Variants in MAD1L1 observed in about 807,000 individuals in gnomAD.
The protein encoded by MAD1L1 is mitotic arrest deficient 1 like 1.
In MAD1L1, 95 loss-of-function variants were observed where a neutral mutation model predicts 96.9. The ratio of observed to expected loss-of-function variants is 0.98; its 90% CI spans 0.83 to 1.16. The LOEUF is 1.16. Ranked by LOEUF, MAD1L1 falls within the 50% of genes most tolerant of loss-of-function variation. MAD1L1 has a pLI of 0.00. For synonymous variants in MAD1L1, 473 were observed against 396.6 expected, an observed-to-expected ratio of 1.19 and a Z score of -2.29; for missense variants, 1,007 against 954.4, an observed-to-expected ratio of 1.06 and a Z score of -0.73.
chr7:2,152,152 A>G (rs1056516481), intron 10 of MAD1L1, among the ~76,000 whole-genome samples: 3 of 152,224 alleles, frequency 2.0e-5, no homozygotes, highest in Non-Finnish European at 4.4e-5. Context: ...GGTCCCACAC[A>G]GACCCCAGCC....
intron 12 of MAD1L1, among the ~76,000 whole-genome samples, chr7:2,049,830 C>T (rs1186663535): frequency 1.3e-5 from 2 of 151,040 alleles, no homozygotes; most frequent in Non-Finnish European, 3.0e-5. Context: ...GCACCATCTG[C>T]GGGCACCAGA....
chr7:1,965,192 AC>A (rs1293295222), intron 15 of MAD1L1, among the ~76,000 whole-genome samples: 6 of 151,842 alleles, frequency 4.0e-5, no homozygotes, highest in Admixed American at 2.0e-4. Flanking sequence ...GGTACGTAGG[AC>A]CCCCAGCCCT....
intron 16 of MAD1L1, among the ~76,000 whole-genome samples, chr7:1,945,766 C>G (rs1286636874): frequency 6.6e-6 from 1 of 152,180 alleles, no homozygotes; most frequent in African/African-American, 2.4e-5. Context: ...GGCCGCAGAC[C>G]GGGGTTAGGG....
At chr7:1,987,410 G>C (rs890906125) in intron 14 of MAD1L1, among the ~76,000 whole-genome samples, 2 of 152,226 alleles carry the variant, frequency 1.3e-5, no homozygotes, top group Non-Finnish European at 2.9e-5. Context: ...GTGCGGCCGA[G>C]CTCGGAACGG....
chr7:2,156,167 G>A (rs1178005062), intron 10 of MAD1L1, among the ~76,000 whole-genome samples: 3 of 145,966 alleles, frequency 2.1e-5, no homozygotes, highest in Non-Finnish European at 3.0e-5. Context: ...GGGAGCGGGC[G>A]CACGGTTTCA....
At chr7:2,113,761 G>A (rs573896116) in intron 11 of MAD1L1, among the ~76,000 whole-genome samples, 8 of 152,246 alleles carry the variant, frequency 5.3e-5, no homozygotes, top group Admixed American at 2.6e-4. Context: ...CACACCCAGA[G>A]GGACATGACA....
intron 18 of MAD1L1, chr7:1,844,069 C>T (rs2128634671): frequency 6.5e-6 from 1 of 154,618 alleles, no homozygotes; most frequent in Middle Eastern, 5.2e-4. Context: ...GTTTCACTAC[C>T]ACCAGAAGGC....
At chr7:2,171,086 G>C (rs1260693158) in intron 10 of MAD1L1, among the ~76,000 whole-genome samples, 1 of 152,240 alleles carries the variant, frequency 6.6e-6, no homozygotes, top group Non-Finnish European at 1.5e-5. Flanking sequence ...TTTCCTTGCT[G>C]CTACGCCACT....
chr7:2,165,057 G>A (rs1208994052), intron 10 of MAD1L1, among the ~76,000 whole-genome samples: 1 of 152,112 alleles, frequency 6.6e-6, no homozygotes, highest in Non-Finnish European at 1.5e-5. Context: ...ATACAAATAC[G>A]GCTGGGCGCA....
At chr7:2,080,557 G>T (rs1330010517) in intron 11 of MAD1L1, among the ~76,000 whole-genome samples, 1 of 14,882 alleles carries the variant, frequency 6.7e-5, no homozygotes, top group Non-Finnish European at 1.2e-4. Context: ...CCTCCCCCAC[G>T]ATCACAGGCC....
In MAD1L1 at chr7:2,116,298, C is replaced by T. The variant is rs1439294084; in HGVS notation, c.1073+32854G>A. Among the ~76,000 whole-genome samples, 3 of 152,184 alleles carry T rather than the reference C, an allele frequency of 2.0e-5. No individual in the cohort carries two copies. The East Asian group carries it at 5.8e-4, about 29-fold the overall frequency. ...GTGTGCCAAGTGCCGGGAGGACGAA[C>T]AAGACTCAGGCCTGACTCATCTCAT... On this transcript the variant is annotated intron_variant, in intron 11 of 18. Transcript: ENST00000265854.
At chr7:1,917,803 A>G (rs1788506797) in intron 17 of MAD1L1, among the ~76,000 whole-genome samples, 1 of 152,168 alleles carries the variant, frequency 6.6e-6, no homozygotes, top group African/African-American at 2.4e-5. Flanking sequence ...CTTCTGCCAG[A>G]CACAGCAGGA....
chr7:2,080,024 T>A (rs1785560653), intron 11 of MAD1L1: 6 of 299,394 alleles, frequency 2.0e-5, no homozygotes, highest in Non-Finnish European at 3.2e-5. Flanking sequence ...GTCAACCCTG[T>A]CAGCGCTGGC....
chr7:1,936,673 T>C lies in MAD1L1; in HGVS notation c.1807+14A>G, dbSNP rs1562539518. ...GGTCGAGGATGGCAGGGACCGGGGG[T>C]GGGGGGTGCCTACCTGCCACCTCCT... On this transcript the variant is annotated intron_variant, in intron 17 of 18. Coordinates refer to ENST00000265854, the MANE Select transcript of MAD1L1 (RefSeq NM_001013836.2). 6.5e-7 allele frequency: 1 copy of C among 1,543,392 alleles called. No individual in the cohort carries two copies. Among genetic ancestry groups the C allele is most frequent in the Admixed American group, 2.0e-5 (1 of 50,952 alleles).
intron 13 of MAD1L1, among the ~76,000 whole-genome samples, chr7:2,008,440 G>A (rs1782134889): frequency 6.6e-6 from 1 of 152,242 alleles, no homozygotes; most frequent in African/African-American, 2.4e-5. Context: ...TGACCGGGTG[G>A]AGCCCCCAGG....
At chr7:2,198,724 G>A (rs1376392690) in intron 10 of MAD1L1, among the ~76,000 whole-genome samples, 1 of 152,218 alleles carries the variant, frequency 6.6e-6, no homozygotes, top group Non-Finnish European at 1.5e-5. Context: ...GACTCTCCCA[G>A]GGAGGCCCAG....
intron 14 of MAD1L1, among the ~76,000 whole-genome samples, chr7:1,982,542 G>A (rs770404597): frequency 1.3e-4 from 20 of 152,178 alleles, no homozygotes; most frequent in Non-Finnish European, 2.6e-4. Context: ...CTTTGTATAC[G>A]TGATTTTAAA....
intron 3 of MAD1L1, among the ~76,000 whole-genome samples, chr7:2,229,179 C>G (rs1392750113): frequency 6.6e-6 from 1 of 152,228 alleles, no homozygotes; most frequent in Non-Finnish European, 1.5e-5. Context: ...GCGGACAGAA[C>G]TACAGAACGG....
intron 18 of MAD1L1, among the ~76,000 whole-genome samples, chr7:1,841,071 G>C (rs1783229088): frequency 6.6e-6 from 1 of 152,176 alleles, no homozygotes. Flanking sequence ...GCCGCTCCCG[G>C]GCCGGCTCTA....
Sources: allele counts gnomAD v4.1 joint callset (sites outside exome capture counted in the v4.1 genomes callset), GRCh38; gene constraint gnomAD v4.1.1; transcripts MANE v1.5; gene names NCBI Gene and HGNC (gene_info 2026-07-23, HGNC 2026-07-21).